Variants in FMN2 observed in about 807,000 individuals in gnomAD.
FMN2 encodes formin-2.
A neutral mutation model predicts 142.3 loss-of-function variants in FMN2; 51 were observed. The observed-to-expected ratio is 0.36, with a 90% CI of 0.29 to 0.45. The LOEUF (loss-of-function observed/expected upper bound fraction) is 0.45, where lower values mean the gene tolerates loss of function less well. Among genes scored for constraint, FMN2 ranks in the 20% least tolerant of loss-of-function variants. The probability of loss-of-function intolerance (pLI) is 1.00; values close to 1 mark genes in which losing one functional copy is unlikely to be tolerated. For synonymous variants in FMN2, 882 were observed against 869.8 expected (o/e 1.01, Z -0.25); for missense variants, 1,936 against 2,122.8 (o/e 0.91, Z 1.73).
In FMN2 at chr1:240,127,142, C is replaced by T. The variant is rs554161341; in HGVS notation, c.1782+3797C>T. On this transcript the variant is annotated intron_variant, in intron 2 of 17. Coordinates refer to ENST00000319653, the MANE Select transcript of FMN2 (RefSeq NM_020066.5). ...ATGGCTTTTTTTTTTTTTTTTGAAACGGAGTCTCGCTCTATTGCCTAGGCT... is the reference window on the plus strand; with the variant it reads ...ATGGCTTTTTTTTTTTTTTTTGAAATGGAGTCTCGCTCTATTGCCTAGGCT... 5.3e-3 allele frequency among the ~76,000 whole-genome samples: 738 copies of T among 139,690 alleles called. 3 individuals carry two copies. Among genetic ancestry groups the T allele is most frequent in the South Asian group, 0.034 (151 of 4,382 alleles). The allele number at this position is 139,690 out of a possible 152,430, so 91.6% of individuals were successfully genotyped here. A position where few individuals can be genotyped will look rare whatever the true frequency, so the allele number is the denominator to read the frequency against.
chr1:240,351,885 G>GTCATGGATGTGTATGATA (rs1206168419), intron 13 of FMN2, among the ~76,000 whole-genome samples: 3 of 152,148 alleles, frequency 2.0e-5, no homozygotes, highest in South Asian at 2.1e-4. Flanking sequence ...TGTGTATGAT[G>GTCATGGATGTGTATGATA]TCATGGATGT....
At chr1:240,131,669 A>AT (rs1229062327) in intron 2 of FMN2, among the ~76,000 whole-genome samples, 7 of 152,104 alleles carry the variant, frequency 4.6e-5, no homozygotes, top group African/African-American at 1.7e-4. Context: ...AGATCGCACT[A>AT]TTGCACTCCA....
At chr1:240,377,279 ATTC>A (rs1673078024) in intron 14 of FMN2, among the ~76,000 whole-genome samples, 1 of 150,460 alleles carries the variant, frequency 6.6e-6, no homozygotes, top group Non-Finnish European at 1.5e-5. Context: ...TTTGAGAGAT[ATTC>A]TTACAGAATG....
At chr1:240,244,276 T>A (rs1015856627) in intron 6 of FMN2, among the ~76,000 whole-genome samples, 1 of 152,228 alleles carries the variant, frequency 6.6e-6, no homozygotes, top group Non-Finnish European at 1.5e-5. Flanking sequence ...GTGTGCAAAT[T>A]ATTTACTAGC....
intron 7 of FMN2, among the ~76,000 whole-genome samples, chr1:240,259,839 G>A (rs1390473068): frequency 1.3e-5 from 2 of 152,050 alleles, no homozygotes; most frequent in East Asian, 1.9e-4. Context: ...TGAGATTTTG[G>A]TGCACACATC....
intron 2 of FMN2, among the ~76,000 whole-genome samples, chr1:240,138,421 C>G (rs994494653): frequency 6.6e-6 from 1 of 151,918 alleles, no homozygotes; most frequent in African/African-American, 2.4e-5. Context: ...ACATGTGGGC[C>G]GAGCACGGTG....
intron 7 of FMN2, among the ~76,000 whole-genome samples, chr1:240,276,022 G>T (rs897844485): frequency 1.3e-5 from 2 of 152,176 alleles, no homozygotes; most frequent in Admixed American, 1.3e-4. Flanking sequence ...GTATAAGAGG[G>T]ATCAAACCAA....
At chr1:240,369,056 C>T (rs920474864) in intron 14 of FMN2, among the ~76,000 whole-genome samples, 3 of 151,972 alleles carry the variant, frequency 2.0e-5, no homozygotes, top group African/African-American at 4.8e-5. Flanking sequence ...CGCACGCACC[C>T]TGTGTACTGC....
At chr1:240,161,933 C>A (rs1211792920) in intron 2 of FMN2, among the ~76,000 whole-genome samples, 4 of 151,900 alleles carry the variant, frequency 2.6e-5, no homozygotes, top group Non-Finnish European at 4.4e-5. Flanking sequence ...CAGGACAATA[C>A]CCTGGCTATA....
chr1:240,255,936 A>G (rs1475342498), intron 6 of FMN2, among the ~76,000 whole-genome samples: 1 of 152,188 alleles, frequency 6.6e-6, no homozygotes, highest in Non-Finnish European at 1.5e-5. Flanking sequence ...TAGGATACGC[A>G]AATATTTAAG....
chr1:240,321,059 G>A (rs1010822439), intron 8 of FMN2, among the ~76,000 whole-genome samples: 13 of 152,112 alleles, frequency 8.5e-5, no homozygotes, highest in African/African-American at 3.1e-4. Context: ...GTGTGATGAG[G>A]TGGGAAGTAA....
chr1:240,290,062 C>T (rs371879816), intron 7 of FMN2, among the ~76,000 whole-genome samples: 177 of 152,260 alleles, frequency 1.2e-3, no homozygotes, highest in African/African-American at 3.8e-3. Flanking sequence ...CACCTGCCTG[C>T]GCACAGTCAA....
intron 12 of FMN2, 28 bp downstream of exon 12, chr1:240,333,974 T>G: frequency 6.3e-7 from 1 of 1,589,122 alleles, no homozygotes; most frequent in Non-Finnish European, 8.6e-7. Context: ...TATAGTCATA[T>G]TCCATTATTC....
chr1:240,291,813 GCTT>G (rs947764923), intron 7 of FMN2, among the ~76,000 whole-genome samples: 7 of 152,256 alleles, frequency 4.6e-5, no homozygotes, highest in Non-Finnish European at 8.8e-5. Context: ...TTAACCTTGG[GCTT>G]CATAGCAAGG....
At chr1:240,108,449 G>C (rs1477446470) in intron 1 of FMN2, among the ~76,000 whole-genome samples, 1 of 152,046 alleles carries the variant, frequency 6.6e-6, no homozygotes, top group East Asian at 1.9e-4. Context: ...TGATATCTCT[G>C]TATTCAGTGA....
Position 240,208,489 on chromosome 1 carries a change from C to G in FMN2, c.3677C>G (p.Pro1226Arg). ...CCACCTGCTCCAGCTCCCCCACTCC[C>G]TCCACCTGGGACAGGAATCCCACCG... is the stretch of plus-strand genomic sequence containing the variant. ...GIPPAPAPPL[P>R]PPGTGIPPPP... Residue 1226 changes from proline to arginine, a missense_variant, in exon 5 of 18, where the codon CCT becomes CGT. Around this residue, in one of 8 missense-constraint regions of FMN2, gnomAD observed 259 missense variants for 230.9 expected, o/e 1.12. Transcript: ENST00000319653. 6.2e-7 allele frequency: 1 copy of G among 1,611,292 alleles called. No individual in the cohort carries two copies. Among genetic ancestry groups the G allele is most frequent in the Non-Finnish European group, 8.5e-7 (1 of 1,179,086 alleles).
intron 16 of FMN2, among the ~76,000 whole-genome samples, chr1:240,450,341 G>A (rs1404826385): frequency 1.3e-5 from 2 of 152,114 alleles, no homozygotes; most frequent in Admixed American, 6.5e-5. Context: ...CTTATGTGAA[G>A]CCTATGAGCA....
At chr1:240,412,423 A>T (rs1332179328) in intron 15 of FMN2, among the ~76,000 whole-genome samples, 1 of 152,148 alleles carries the variant, frequency 6.6e-6, no homozygotes, top group Non-Finnish European at 1.5e-5. Flanking sequence ...GAGAGATTGG[A>T]TGGAATGTAG....
chr1:240,280,685 A>G (rs569316014), intron 7 of FMN2, among the ~76,000 whole-genome samples: 1 of 152,296 alleles, frequency 6.6e-6, no homozygotes, highest in Admixed American at 6.5e-5. Context: ...GATGTTTTAC[A>G]TAAAGTACAG....
Sources: gnomAD v4.1 joint callset for allele counts (sites outside exome capture counted in the v4.1 genomes callset) on GRCh38, gnomAD v4.1.1 for gene constraint, gnomAD v4.1.1 regional missense constraint, MANE v1.5 for transcripts, NCBI Gene and HGNC (gene_info 2026-07-23, HGNC 2026-07-21) for gene names.